CAMK1D: variants seen among roughly 807,000 people sequenced by gnomAD.
CAMK1D encodes calcium/calmodulin-dependent protein kinase type 1D.
In CAMK1D, 9 loss-of-function variants were observed where a neutral mutation model predicts 47.7. That is an observed-to-expected ratio of 0.19 (90% CI 0.11 to 0.33). The LOEUF is 0.33. Ranked by LOEUF, CAMK1D falls within the 10% of genes least tolerant of loss-of-function variation. The pLI, the probability that CAMK1D is intolerant of heterozygous loss-of-function variation, is 1.00. For synonymous variants in CAMK1D, 184 were observed against 184.9 expected (o/e 0.99, Z 0.04); for missense variants, 291 against 488.7 (o/e 0.60, Z 3.81).
At chr10:12,675,760 C>G (rs1366538157) in intron 3 of CAMK1D, among the ~76,000 whole-genome samples, 2 of 152,174 alleles carry the variant, frequency 1.3e-5, no homozygotes, top group African/African-American at 4.8e-5. Flanking sequence ...ATTATGGTGG[C>G]CTCCAGGGAC....
In CAMK1D at chr10:12,828,437, TC is replaced by T. The variant is rs576171876; in HGVS notation, c.1040-331del. Among the ~76,000 whole-genome samples, 7 of 152,176 alleles carry T rather than the reference TC, an allele frequency of 4.6e-5. No individual in the cohort carries two copies. In the South Asian group the frequency reaches 1.5e-3, roughly 32 times the overall value. ...GGGTGGATCACCTGAGGTCAGGAGTTCGAGACCAGCCTGGCCAACATGGTGA... is the reference window on the plus strand; with the variant it reads ...GGGTGGATCACCTGAGGTCAGGAGTTGAGACCAGCCTGGCCAACATGGTGA... On this transcript the variant is annotated intron_variant, in intron 10 of 10. Transcript: ENST00000619168.
intron 3 of CAMK1D, among the ~76,000 whole-genome samples, chr10:12,695,055 GA>G (rs1564499853): frequency 8.0e-5 from 3 of 37,588 alleles, no homozygotes; most frequent in Non-Finnish European, 1.3e-4. Context: ...TAGATAGATA[GA>G]TAGATAGATA....
intron 6 of CAMK1D, among the ~76,000 whole-genome samples, chr10:12,798,150 T>C (rs548641862): frequency 6.6e-6 from 1 of 152,364 alleles, no homozygotes; most frequent in African/African-American, 2.4e-5. Flanking sequence ...ATGGCGTGGC[T>C]TCAGGCCAGA....
chr10:12,606,598 C>T (rs955646320), intron 2 of CAMK1D, among the ~76,000 whole-genome samples: 11 of 152,156 alleles, frequency 7.2e-5, no homozygotes, highest in African/African-American at 2.2e-4. Context: ...TGCCCCATGC[C>T]TAGAACCAGG....
intron 1 of CAMK1D, among the ~76,000 whole-genome samples, chr10:12,463,968 T>C (rs1313280676): frequency 6.6e-6 from 1 of 152,170 alleles, no homozygotes; most frequent in African/African-American, 2.4e-5. Context: ...CTGCCTTGCT[T>C]CCTTCCTCTT....
intron 1 of CAMK1D, among the ~76,000 whole-genome samples, chr10:12,480,342 G>T (rs910740537): frequency 9.2e-5 from 14 of 151,976 alleles, no homozygotes; most frequent in Non-Finnish European, 2.9e-5. Flanking sequence ...GGCTGAGGCA[G>T]GAGAATCACT....
chr10:12,630,355 T>C (rs1839342009), intron 2 of CAMK1D, among the ~76,000 whole-genome samples: 2 of 148,328 alleles, frequency 1.3e-5, no homozygotes, highest in African/African-American at 2.5e-5. Context: ...TCTGCTAAGA[T>C]TTACTTTCTT....
At chr10:12,690,543 T>C (rs1020749298) in intron 3 of CAMK1D, among the ~76,000 whole-genome samples, 5 of 152,122 alleles carry the variant, frequency 3.3e-5, no homozygotes, top group African/African-American at 1.2e-4. Context: ...GTAACACACA[T>C]CTCATGTTCA....
In CAMK1D at chr10:12,811,906, G is replaced by A. The variant is rs555185444; in HGVS notation, c.642-2289G>A. ...GGGATTTCCGTGGGCAGTGAACTATGTGCCTGGTGGTTTCGGAAGCCCTGG... is the reference window on the plus strand; with the variant it reads ...GGGATTTCCGTGGGCAGTGAACTATATGCCTGGTGGTTTCGGAAGCCCTGG... On this transcript the variant is annotated intron_variant, in intron 6 of 10. Transcript: ENST00000619168. 3.3e-5 allele frequency among the ~76,000 whole-genome samples: 5 copies of A among 152,346 alleles called. No individual in the cohort carries two copies. The South Asian group carries it at 1.0e-3, about 32-fold the overall frequency.
intron 10 of CAMK1D, among the ~76,000 whole-genome samples, chr10:12,828,256 A>T (rs1482317406): frequency 6.6e-6 from 1 of 152,204 alleles, no homozygotes; most frequent in African/African-American, 2.4e-5. Flanking sequence ...CACCAAAAAA[A>T]AGGAGAGGAG....
At chr10:12,354,169 C>T (rs538857458) in intron 1 of CAMK1D, among the ~76,000 whole-genome samples, 17 of 152,212 alleles carry the variant, frequency 1.1e-4, no homozygotes, top group Admixed American at 3.9e-4. Context: ...TCTTCATCTC[C>T]GCGGGATATG....
chr10:12,784,155 TG>T (rs918606006), intron 5 of CAMK1D, among the ~76,000 whole-genome samples: 24 of 152,080 alleles, frequency 1.6e-4, no homozygotes, highest in African/African-American at 5.5e-4. Context: ...TTCTGCCCTT[TG>T]CCCCTAAACC....
chr10:12,744,232 A>G (rs1335033682), intron 3 of CAMK1D, among the ~76,000 whole-genome samples: 1 of 152,150 alleles, frequency 6.6e-6, no homozygotes, highest in Non-Finnish European at 1.5e-5. Flanking sequence ...CCATTCATCA[A>G]TTGATAGACA....
intron 3 of CAMK1D, among the ~76,000 whole-genome samples, chr10:12,749,443 TAAAAA>T (rs60406640): frequency 0.012 from 1,469 of 119,256 alleles, 31 homozygotes; most frequent in African/African-American, 0.042. Flanking sequence ...GCTAGAAAGT[TAAAAA>T]AAAAAAAAAA....
rs975533623 is a variant in CAMK1D, at chr10:12,829,122, A to G, written c.*235A>G. The stretch of plus-strand genomic sequence containing the variant: ...TTTCATAGGATCTGGTGCTGTATAT[A>G]CGAATCTTGCAAAGCTCTAACTGAA... On this transcript the variant is annotated 3_prime_UTR_variant, in exon 11 of 11. Coordinates refer to ENST00000619168, the MANE Select transcript of CAMK1D (RefSeq NM_153498.4). 2 of 451,380 alleles carry G rather than the reference A, an allele frequency of 4.4e-6. No individual in the cohort carries two copies. Among genetic ancestry groups the G allele is most frequent in the Non-Finnish European group, 7.8e-6 (2 of 255,556 alleles). 28.0% of individuals were successfully genotyped at this position (451,380 alleles called of 1,614,324 possible).
intron 3 of CAMK1D, among the ~76,000 whole-genome samples, chr10:12,683,584 T>G (rs1390444402): frequency 6.6e-6 from 1 of 152,188 alleles, no homozygotes; most frequent in East Asian, 1.9e-4. Flanking sequence ...TATCATGATT[T>G]ATTTTGCTCT....
chr10:12,531,883 A>G (rs1835817010), intron 1 of CAMK1D, among the ~76,000 whole-genome samples: 1 of 152,254 alleles, frequency 6.6e-6, no homozygotes, highest in Non-Finnish European at 1.5e-5. Flanking sequence ...TGATGAGGCT[A>G]GGGAATTGAC....
Position 12,708,779 on chromosome 10 carries a change from G to A in CAMK1D, c.299+41969G>A, listed in dbSNP as rs143592050. On this transcript the variant is annotated intron_variant, in intron 3 of 10. Transcript: ENST00000619168. The stretch of plus-strand genomic sequence containing the variant: ...TGGTAATAGGATCTTCCTAATCTAC[G>A]ATATTATTGGTTATTAAATATGGAT... Among the ~76,000 whole-genome samples the A allele has an allele frequency of 1.1e-3, 161 of 152,292 alleles. 2 individuals carry two copies. In the South Asian group the frequency reaches 0.015, roughly 14 times the overall value.
At chr10:12,663,560 C>T (rs1024642132) in intron 2 of CAMK1D, among the ~76,000 whole-genome samples, 5 of 152,098 alleles carry the variant, frequency 3.3e-5, no homozygotes, top group South Asian at 2.1e-4. Flanking sequence ...GTCTGAGAAG[C>T]GTTCTAGCTC....
Sources: gnomAD v4.1 joint callset for allele counts (sites outside exome capture counted in the v4.1 genomes callset) on GRCh38, gnomAD v4.1.1 for gene constraint, MANE v1.5 for transcripts, NCBI Gene and HGNC (gene_info 2026-07-23, HGNC 2026-07-21) for gene names.